The following MYO1E variants were observed in gnomAD, a reference collection of about 807,000 sequenced individuals.
MYO1E encodes unconventional myosin-Ie.
A neutral mutation model predicts 151.1 loss-of-function variants in MYO1E; 68 were observed. The observed-to-expected ratio is 0.45, with a 90% confidence interval of 0.37 to 0.55. MYO1E has a LOEUF of 0.55. Among genes scored for constraint, MYO1E ranks in the 20% least tolerant of loss-of-function variants. The pLI is 0.00. For missense variants in MYO1E, 1,363 were observed against 1,389.3 expected (o/e 0.98, Z 0.30); for synonymous variants, 601 against 501.7 (o/e 1.20, Z -2.64).
chr15:59,183,924 G>T (rs2079680126), intron 18 of MYO1E, among the ~76,000 whole-genome samples: 1 of 152,000 alleles, frequency 6.6e-6, no homozygotes. Flanking sequence ...AAATAAGTGA[G>T]AACATGTGAT....
At chr15:59,283,272 T>G (rs76762349) in intron 1 of MYO1E, among the ~76,000 whole-genome samples, 2,338 of 152,232 alleles carry the variant, frequency 0.015, 25 homozygotes, top group Non-Finnish European at 0.024. Flanking sequence ...CATACCATGC[T>G]GTGCTTTGTT....
chr15:59,326,418 G>C (rs2080664635), intron 1 of MYO1E, among the ~76,000 whole-genome samples: 1 of 152,138 alleles, frequency 6.6e-6, no homozygotes, highest in South Asian at 2.1e-4. Flanking sequence ...AGCTACTCAG[G>C]AGGCTGAGGC....
chr15:59,191,407 A>C (rs2079733908), intron 17 of MYO1E, among the ~76,000 whole-genome samples: 1 of 152,034 alleles, frequency 6.6e-6, no homozygotes, highest in Admixed American at 6.6e-5. Context: ...AATTAAATTG[A>C]AAAATAATTA....
chr15:59,270,820 C>T (rs1256017661), intron 2 of MYO1E: 2 of 151,972 alleles, frequency 1.3e-5, no homozygotes, highest in Non-Finnish European at 2.9e-5. Context: ...CCATACCCCG[C>T]TAATTTTGCA....
chr15:59,357,155 C>G (rs1180933415), intron 1 of MYO1E, among the ~76,000 whole-genome samples: 1 of 152,054 alleles, frequency 6.6e-6, no homozygotes, highest in Non-Finnish European at 1.5e-5. Context: ...ATCCACCCAC[C>G]TCAGCCTCTC....
intron 1 of MYO1E, among the ~76,000 whole-genome samples, chr15:59,293,859 A>G (rs143745358): frequency 2.1e-4 from 32 of 152,262 alleles, no homozygotes; most frequent in African/African-American, 7.7e-4. Flanking sequence ...CCTGGGAAAC[A>G]TGGTGAAACC....
At chr15:59,370,111 G>A (rs567981714) in intron 1 of MYO1E, among the ~76,000 whole-genome samples, 1 of 152,094 alleles carries the variant, frequency 6.6e-6, no homozygotes, top group African/African-American at 2.4e-5. Context: ...GCGCCTGGCC[G>A]CCAAGGGCCT....
chr15:59,228,078 G>A (rs201467264), intron 6 of MYO1E, among the ~76,000 whole-genome samples: 1 of 152,166 alleles, frequency 6.6e-6, no homozygotes, highest in Non-Finnish European at 1.5e-5. Context: ...CGGGCCTAGG[G>A]ATTTTTGTCA....
In MYO1E at chr15:59,136,580, T is replaced by A. The variant is rs2079374359; in HGVS notation, c.*800A>T. 19 of 396,924 alleles carry A rather than the reference T, an allele frequency of 4.8e-5. No individual in the cohort carries two copies. Among genetic ancestry groups the A allele is most frequent in the South Asian group, 3.1e-4 (17 of 54,426 alleles). The allele number at this position is 396,924 out of a possible 1,614,324, so 24.6% of individuals were successfully genotyped here. A position where few individuals can be genotyped will look rare whatever the true frequency, so the allele number is the denominator to read the frequency against. ...TACAGTGGAATACTACTTAGTACATTCATACATGTTTCTACCATCTCAAGA... is the reference window on the plus strand; with the variant it reads ...TACAGTGGAATACTACTTAGTACATACATACATGTTTCTACCATCTCAAGA... On this transcript the variant is annotated 3_prime_UTR_variant, in exon 28 of 28. Coordinates refer to ENST00000288235, the MANE Select transcript of MYO1E (RefSeq NM_004998.4).
Position 59,252,298 on chromosome 15 carries a change from C to T in MYO1E, c.332+3986G>A, listed in dbSNP as rs543763610. ...CATTTCCCATTAAAATGAACCAAGG[C>T]CTAGCGGGGTGCGGTGCCTCGTGCC... is the stretch of plus-strand genomic sequence containing the variant. On this transcript the variant is annotated intron_variant, in intron 4 of 27. Coordinates refer to ENST00000288235, the MANE Select transcript of MYO1E (RefSeq NM_004998.4). Among the ~76,000 whole-genome samples the T allele has an allele frequency of 2.6e-5, 4 of 152,226 alleles. No homozygotes were observed. In the South Asian group the frequency reaches 8.3e-4, roughly 32 times the overall value.
chr15:59,288,027 G>T (rs1247886760), intron 1 of MYO1E, among the ~76,000 whole-genome samples: 1 of 152,218 alleles, frequency 6.6e-6, no homozygotes, highest in Non-Finnish European at 1.5e-5. Flanking sequence ...GATGGGTTTT[G>T]AACTGCGTGG....
intron 5 of MYO1E, among the ~76,000 whole-genome samples, chr15:59,232,554 A>C (rs1027098651): frequency 1.3e-5 from 2 of 152,246 alleles, no homozygotes; most frequent in Non-Finnish European, 2.9e-5. Context: ...GAGACAGCTC[A>C]ATAGATAGAA....
At chr15:59,330,982 C>T (rs1004816629) in intron 1 of MYO1E, among the ~76,000 whole-genome samples, 13 of 152,152 alleles carry the variant, frequency 8.5e-5, no homozygotes, top group Non-Finnish European at 1.3e-4. Flanking sequence ...GTTGCCCATG[C>T]TGCTCTCGAA....
At chr15:59,191,287 G>A (rs1320322661) in intron 17 of MYO1E, among the ~76,000 whole-genome samples, 1 of 147,628 alleles carries the variant, frequency 6.8e-6, no homozygotes, top group East Asian at 2.0e-4. Context: ...AACCCCGTCT[G>A]TACTAAATAT....
chr15:59,198,971 G>A (rs62004153), intron 16 of MYO1E, among the ~76,000 whole-genome samples: 139,367 of 152,246 alleles, frequency 0.92, 64,736 homozygotes, highest in Non-Finnish European at 1. Flanking sequence ...TCTGAGCTTG[G>A]TTCTGTTTCT....
chr15:59,138,197 C>T lies in MYO1E; in HGVS notation c.3250+1G>A, dbSNP rs369427216. On this transcript the variant is annotated splice_donor_variant, in intron 27 of 27. Transcript: ENST00000288235. LOFTEE classifies it high-confidence loss of function. ...TCCCAGCCAACCAGCCACACACTTA[C>T]CTTCTTTGATAATATCAATAATGTC... 2 of 1,614,046 alleles carry T rather than the reference C, an allele frequency of 1.2e-6. No homozygotes were observed. The highest frequency in any genetic ancestry group is 1.3e-5 in the African/African-American group (1 of 74,922).
chr15:59,230,225 T>TGG (rs1491406832), intron 6 of MYO1E, among the ~76,000 whole-genome samples: 1 of 60,220 alleles, frequency 1.7e-5, no homozygotes, highest in African/African-American at 6.3e-5. Context: ...AGTGTGTGTT[T>TGG]GTGTGTGTGT....
chr15:59,140,220 A>G (rs1221616257), intron 26 of MYO1E, among the ~76,000 whole-genome samples: 1 of 152,144 alleles, frequency 6.6e-6, no homozygotes, highest in Non-Finnish European at 1.5e-5. Context: ...ACCCTAATCC[A>G]GATCTTCTAG....
chr15:59,178,438 C>A lies in MYO1E; in HGVS notation c.2004G>T (p.Gln668His), dbSNP rs572308613. The change falls in exon 19 of 28, where the codon CAG (glutamine) becomes CAT (histidine). Residue 668 changes from glutamine to histidine, a missense_variant. Physicochemically the swap from Gln to His is conservative, Grantham distance 24. Coordinates refer to ENST00000288235, the MANE Select transcript of MYO1E (RefSeq NM_004998.4). ...LLQSVNMDSDQFQLGRSKVFI... is the reference protein window; with the variant it reads ...LLQSVNMDSDHFQLGRSKVFI... ...ACACTTTACTCCTCCCCAGCTGGAA[C>A]TGGTCGCTGTCCATGTTGACCGACT... The A allele has an allele frequency of 1.9e-6, 3 of 1,614,242 alleles. No homozygotes were observed. Among genetic ancestry groups the A allele is most frequent in the African/African-American group, 2.7e-5 (2 of 75,064 alleles).
Sources: gnomAD v4.1 joint callset for allele counts (sites outside exome capture counted in the v4.1 genomes callset) on GRCh38, gnomAD v4.1.1 for gene constraint, MANE v1.5 for transcripts, NCBI Gene and HGNC (gene_info 2026-07-23, HGNC 2026-07-21) for gene names.